NFIX: variants seen among roughly 807,000 people sequenced by gnomAD.
NFIX encodes the protein nuclear factor I X.
A neutral mutation model predicts 53.3 loss-of-function variants in NFIX; 2 were observed. The observed-to-expected ratio is 0.04, with a 90% CI of 0.02 to 0.12. The LOEUF (loss-of-function observed/expected upper bound fraction) is 0.12, where lower values mean the gene tolerates loss of function less well. Ranked by LOEUF, NFIX falls within the 10% of genes least tolerant of loss-of-function variation. NFIX has a pLI of 1.00. For missense variants in NFIX, 310 were observed against 674.5 expected (o/e 0.46, Z 5.99); for synonymous variants, 244 against 289.0 (o/e 0.84, Z 1.58).
intron 2 of NFIX, among the ~76,000 whole-genome samples, chr19:13,064,105 C>T (rs1384945039): frequency 6.6e-6 from 1 of 152,086 alleles, no homozygotes; most frequent in African/African-American, 2.4e-5. Flanking sequence ...CCTCTCTTTT[C>T]TTGACATGTG....
rs564565398 is a variant in NFIX at position 13,066,498 on chromosome 19, C to G, written c.560-6549C>G. On this transcript the variant is annotated intron_variant, in intron 2 of 10. Transcript: ENST00000592199. The surrounding 1 kb of genome is among the most constrained non-coding windows in gnomAD (Gnocchi z 4.2). ...CCATGTCCTCTTCCCCCATCTCCAGCAGGTCAGTCAAGTCAAAGGCAGAAG... is the reference window on the plus strand; with the variant it reads ...CCATGTCCTCTTCCCCCATCTCCAGGAGGTCAGTCAAGTCAAAGGCAGAAG... Among the ~76,000 whole-genome samples the G allele has an allele frequency of 2.3e-4, 35 of 152,246 alleles. No individual in the cohort carries two copies. The highest frequency in any genetic ancestry group is 4.7e-4 in the Non-Finnish European group (32 of 68,012).
In NFIX at chr19:13,001,448, G is replaced by A. The variant is rs148632305; in HGVS notation, c.27+5584G>A. Among the ~76,000 whole-genome samples, 4 of 152,162 alleles carry A rather than the reference G, an allele frequency of 2.6e-5. No homozygotes were observed. The highest frequency in any genetic ancestry group is 4.2e-4 in the South Asian group (2 of 4,810). Reference sequence around the variant, plus strand: ...TGTCAGTGTGCCGGATGTAGTCTCTGTGTCACGGTGGCGCTGCGCACGTCA... The same window carrying A: ...TGTCAGTGTGCCGGATGTAGTCTCTATGTCACGGTGGCGCTGCGCACGTCA... On this transcript the variant is annotated intron_variant, in intron 1 of 10. Transcript: ENST00000592199. This position sits in a 1 kb window ranked among gnomAD's most constrained non-coding sequence, Gnocchi z 6.5.
At chr19:12,999,681 G>A (rs554394728) in intron 1 of NFIX, among the ~76,000 whole-genome samples, 11 of 152,264 alleles carry the variant, frequency 7.2e-5, no homozygotes, top group African/African-American at 1.2e-4. Flanking sequence ...ACAAGCAGCC[G>A]AACGTTCCTG....
rs2014521938 is a variant in NFIX at position 13,040,238 on chromosome 19, C to T, written c.559+14686C>T. ...TACAGGGGCTACTGCTTGGTGGGCTCAGCCCACCCCACCCTCTCATAGGCC... is the reference window on the plus strand; with the variant it reads ...TACAGGGGCTACTGCTTGGTGGGCTTAGCCCACCCCACCCTCTCATAGGCC... On this transcript the variant is annotated intron_variant, in intron 2 of 10. Coordinates refer to ENST00000592199, the MANE Select transcript of NFIX (RefSeq NM_001365902.3). The surrounding 1 kb of genome is among the most constrained non-coding windows in gnomAD (Gnocchi z 4.2). Among the ~76,000 whole-genome samples the T allele has an allele frequency of 6.6e-6, 1 of 152,222 alleles. No homozygotes were observed. Among genetic ancestry groups the T allele is most frequent in the African/African-American group, 2.4e-5 (1 of 41,448 alleles).
rs181380317 is a variant in NFIX at position 13,035,611 on chromosome 19, T to C, written c.559+10059T>C. Among the ~76,000 whole-genome samples the C allele has an allele frequency of 2.0e-5, 3 of 152,246 alleles. No individual in the cohort carries two copies. In the East Asian group the frequency reaches 5.8e-4, roughly 29 times the overall value. On this transcript the variant is annotated intron_variant, in intron 2 of 10. Coordinates refer to ENST00000592199, the MANE Select transcript of NFIX (RefSeq NM_001365902.3). ...TTTAAATGATTTGATTTTTTTTTTT[T>C]ATTATAGTAGTAAAACACATTCTTT...
In NFIX at chr19:13,078,780, T is replaced by TGAGTATCTAGGGGCAGCTGGCC. The variant is rs562209867; in HGVS notation, c.1078+46_1078+67dup. ...GGAGGGGGGCAGTTGGGGAGGTGGC[T>TGAGTATCTAGGGGCAGCTGGCC]GAGTATCTAGGGGCAGCTGGCCAGG... On this transcript the variant is annotated intron_variant, in intron 7 of 10. Transcript: ENST00000592199. This position sits in a 1 kb window ranked among gnomAD's most constrained non-coding sequence, Gnocchi z 4.7. 10,036 of 1,569,328 alleles carry TGAGTATCTAGGGGCAGCTGGCC rather than the reference T, an allele frequency of 6.4e-3. 589 individuals carry two copies. In the African/African-American group the frequency reaches 0.12, roughly 19 times the overall value.
At chr19:13,062,436 T>A (rs75273287) in intron 2 of NFIX, among the ~76,000 whole-genome samples, 3 of 152,338 alleles carry the variant, frequency 2.0e-5, no homozygotes, top group African/African-American at 7.2e-5. Flanking sequence ...AGTCTTATCA[T>A]CCACTGCAGC....
chr19:13,068,211 T>C lies in NFIX; in HGVS notation c.560-4836T>C, dbSNP rs1386264003. The stretch of plus-strand genomic sequence containing the variant: ...TGCTGGAGCTTCCCCTCCAGAGCTC[T>C]ACTGAAGAGGCAGTGTCCTCTTGGA... On this transcript the variant is annotated intron_variant, in intron 2 of 10. Coordinates refer to ENST00000592199, the MANE Select transcript of NFIX (RefSeq NM_001365902.3). The surrounding 1 kb of genome is among the most constrained non-coding windows in gnomAD (Gnocchi z 4.2). Among the ~76,000 whole-genome samples, 1 of 152,114 alleles carries C rather than the reference T, an allele frequency of 6.6e-6. No individual in the cohort carries two copies. Among genetic ancestry groups the C allele is most frequent in the African/African-American group, 2.4e-5 (1 of 41,412 alleles).
At chr19:13,057,517 C>T (rs1359820888) in intron 2 of NFIX, among the ~76,000 whole-genome samples, 1 of 152,228 alleles carries the variant, frequency 6.6e-6, no homozygotes, top group African/African-American at 2.4e-5. Context: ...GATGCCACAC[C>T]CCCAGCCTCG....
At chr19:13,032,169 A>T (rs1224334711) in intron 2 of NFIX, among the ~76,000 whole-genome samples, 1 of 152,092 alleles carries the variant, frequency 6.6e-6, no homozygotes, top group African/African-American at 2.4e-5. Context: ...CTGGGTTTTA[A>T]AATTTTTATT....
rs2012492637 is a variant in NFIX at position 13,013,537 on chromosome 19, AC to A, written c.28-11481del. 1.3e-5 allele frequency: 2 copies of A among 151,040 alleles called. No individual in the cohort carries two copies. Among genetic ancestry groups the A allele is most frequent in the South Asian group, 4.2e-4 (2 of 4,782 alleles). The allele number at this position is 151,040 out of a possible 1,614,324, so 9.4% of individuals were successfully genotyped here. ...AGCGGCTGACCCTGCTGCGCCCTGT[AC>A]CCTGGACCCAGACGCGGCCCATCCC... On this transcript the variant is annotated intron_variant, in intron 1 of 10. Transcript: ENST00000592199. This position sits in a 1 kb window ranked among gnomAD's most constrained non-coding sequence, Gnocchi z 5.9.
chr19:13,021,556 G>A lies in NFIX; in HGVS notation c.28-3465G>A, dbSNP rs1261245213. On this transcript the variant is annotated intron_variant, in intron 1 of 10. Coordinates refer to ENST00000592199, the MANE Select transcript of NFIX (RefSeq NM_001365902.3). The surrounding 1 kb of genome is among the most constrained non-coding windows in gnomAD (Gnocchi z 4.2). The stretch of plus-strand genomic sequence containing the variant: ...AGTGACCTTTTTTCCGTCGCCAGCT[G>A]AGGACTGAGCCTCGCTGAGGGAGAG... Among the ~76,000 whole-genome samples the A allele has an allele frequency of 6.6e-6, 1 of 152,226 alleles. No homozygotes were observed. Among genetic ancestry groups the A allele is most frequent in the Non-Finnish European group, 1.5e-5 (1 of 68,038 alleles).
Position 13,090,259 on chromosome 19 carries a change from G to A in NFIX, c.1403-40G>A, listed in dbSNP as rs751819997. ...GGGCAGTGCCCAGGTGGGCCCCAAG[G>A]CCTGACAGGGTCTCTCCCTCTCTCC... On this transcript the variant is annotated intron_variant, in intron 9 of 10. Transcript: ENST00000592199. This position sits in a 1 kb window ranked among gnomAD's most constrained non-coding sequence, Gnocchi z 6.6. 1.2e-6 allele frequency: 2 copies of A among 1,600,206 alleles called. No individual in the cohort carries two copies. The highest frequency in any genetic ancestry group is 2.7e-5 in the African/African-American group (2 of 74,644).
rs1488881118 is a variant in NFIX, at chr19:12,996,798, G to C, written c.27+934G>C. Among the ~76,000 whole-genome samples the C allele has an allele frequency of 1.3e-5, 2 of 152,260 alleles. No individual in the cohort carries two copies. Among genetic ancestry groups the C allele is most frequent in the Non-Finnish European group, 2.9e-5 (2 of 68,042 alleles). On this transcript the variant is annotated intron_variant, in intron 1 of 10. Coordinates refer to ENST00000592199, the MANE Select transcript of NFIX (RefSeq NM_001365902.3). This position sits in a 1 kb window ranked among gnomAD's most constrained non-coding sequence, Gnocchi z 5.2. ...ACAACAGCGCCGACCTTGGCGCGTT[G>C]CTAGAGCGCGTCCCGCCTGCAGCGA... is the stretch of plus-strand genomic sequence containing the variant.
In NFIX at chr19:13,066,957, G is replaced by A. The variant is rs918536960; in HGVS notation, c.560-6090G>A. Among the ~76,000 whole-genome samples the A allele has an allele frequency of 4.6e-5, 7 of 152,064 alleles. No individual in the cohort carries two copies. The highest frequency in any genetic ancestry group is 9.7e-5 in the African/African-American group (4 of 41,420). ...GACGGGGAGAACCCCTCTGTGACCC[G>A]TCCCCTTAGCCCCCCATCTATCCAC... On this transcript the variant is annotated intron_variant, in intron 2 of 10. Coordinates refer to ENST00000592199, the MANE Select transcript of NFIX (RefSeq NM_001365902.3). This position sits in a 1 kb window ranked among gnomAD's most constrained non-coding sequence, Gnocchi z 4.2.
rs1024274884 is a variant in NFIX, at chr19:13,014,649, C to T, written c.28-10372C>T. On this transcript the variant is annotated intron_variant, in intron 1 of 10. Transcript: ENST00000592199. The surrounding 1 kb of genome is among the most constrained non-coding windows in gnomAD (Gnocchi z 4.4). Reference sequence around the variant, plus strand: ...AGAGAAAATGCAGTCTTGGAGAGCCCGTCTTGGCAACCCTGTGCCCTTGAT... The same window carrying T: ...AGAGAAAATGCAGTCTTGGAGAGCCTGTCTTGGCAACCCTGTGCCCTTGAT... 1.3e-5 allele frequency: 2 copies of T among 152,252 alleles called. No individual in the cohort carries two copies. Among genetic ancestry groups the T allele is most frequent in the Non-Finnish European group, 2.9e-5 (2 of 68,064 alleles). 9.4% of individuals were successfully genotyped at this position (152,252 alleles called of 1,614,324 possible). A position where few individuals can be genotyped will look rare whatever the true frequency, so the allele number is the denominator to read the frequency against.
chr19:13,093,883 T>C lies in NFIX; in HGVS notation c.1495-752T>C, dbSNP rs2018284453. Among the ~76,000 whole-genome samples, 1 of 151,464 alleles carries C rather than the reference T, an allele frequency of 6.6e-6. No individual in the cohort carries two copies. Among genetic ancestry groups the C allele is most frequent in the South Asian group, 2.1e-4 (1 of 4,782 alleles). ...AGCCAAGCAGCCCAGACCCTTGGGG[T>C]CTGCCCTGGGTGTGCTCTGAGCTGA... On this transcript the variant is annotated intron_variant, in intron 10 of 10. Transcript: ENST00000592199. This position sits in a 1 kb window ranked among gnomAD's most constrained non-coding sequence, Gnocchi z 4.7.
At chr19:13,070,540 A>C (rs1291344545) in intron 2 of NFIX, 1 of 152,502 alleles carries the variant, frequency 6.6e-6, no homozygotes, top group African/African-American at 2.4e-5. Flanking sequence ...TGTGCCTCTG[A>C]GCCTGGGTCC....
chr19:13,056,259 A>T (rs2015686669), intron 2 of NFIX, among the ~76,000 whole-genome samples: 1 of 152,112 alleles, frequency 6.6e-6, no homozygotes, highest in South Asian at 2.1e-4. Flanking sequence ...ACACACCTTG[A>T]AGAGTCTCTT....
Sources: allele counts gnomAD v4.1 joint callset (sites outside exome capture counted in the v4.1 genomes callset), GRCh38; gene constraint gnomAD v4.1.1; non-coding constraint Gnocchi (gnomAD v3.1); transcripts MANE v1.5; gene names NCBI Gene and HGNC (gene_info 2026-07-23, HGNC 2026-07-21).